CADM2: variants seen among roughly 807,000 people sequenced by gnomAD.
The protein encoded by CADM2 is immunoglobulin superfamily member 4D.
A neutral mutation model predicts 49.8 loss-of-function variants in CADM2; 12 were observed. That is an observed-to-expected ratio of 0.24 (90% CI 0.15 to 0.39). The LOEUF is 0.39. Among genes scored for constraint, CADM2 ranks in the 10% least tolerant of loss-of-function variants. CADM2 has a pLI of 1.00. For synonymous variants in CADM2, 214 were observed against 175.4 expected (o/e 1.22, Z -1.74); for missense variants, 378 against 492.3 (o/e 0.77, Z 2.20).
At chr3:85,209,368 T>C (rs1350834364) in intron 1 of CADM2, among the ~76,000 whole-genome samples, 1 of 152,072 alleles carries the variant, frequency 6.6e-6, no homozygotes, top group Non-Finnish European at 1.5e-5. Context: ...GTATTTTTTC[T>C]TTTTTACAGA....
intron 1 of CADM2, among the ~76,000 whole-genome samples, chr3:85,342,187 C>A (rs144210240): frequency 2.2e-4 from 33 of 151,996 alleles, no homozygotes; most frequent in African/African-American, 8.0e-4. Flanking sequence ...ACAACCCCAT[C>A]AAAAAATGGG....
chr3:85,695,581 CG>C (rs949258607), intron 1 of CADM2, among the ~76,000 whole-genome samples: 31 of 151,432 alleles, frequency 2.0e-4, no homozygotes, highest in African/African-American at 6.1e-4. Flanking sequence ...CATATATATA[CG>C]GGTACGTACA....
intron 1 of CADM2, among the ~76,000 whole-genome samples, chr3:85,710,187 A>G (rs2067074868): frequency 6.6e-6 from 1 of 152,136 alleles, no homozygotes. Context: ...TTCATAGCAT[A>G]ACAAGCTAAA....
intron 1 of CADM2, among the ~76,000 whole-genome samples, chr3:85,239,408 A>C (rs570939397): frequency 6.6e-6 from 1 of 151,768 alleles, no homozygotes; most frequent in African/African-American, 2.4e-5. Context: ...AAAGAGCTGT[A>C]ACATTGTAAA....
At chr3:85,824,989 CT>C (rs2073822375) in intron 3 of CADM2, among the ~76,000 whole-genome samples, 1 of 151,700 alleles carries the variant, frequency 6.6e-6, no homozygotes, top group Non-Finnish European at 1.5e-5. Context: ...GAATGAAGGA[CT>C]TCGGGTGGAG....
At chr3:85,872,430 A>G (rs2075965196) in intron 3 of CADM2, among the ~76,000 whole-genome samples, 2 of 151,438 alleles carry the variant, frequency 1.3e-5, no homozygotes, top group South Asian at 4.2e-4. Context: ...TTTGATGTAT[A>G]TTTTTTCCAA....
At chr3:85,541,775 T>TATATATATAGATATATATATA (rs1559897737) in intron 1 of CADM2, among the ~76,000 whole-genome samples, 1 of 88,320 alleles carries the variant, frequency 1.1e-5, no homozygotes, top group African/African-American at 3.3e-5. Flanking sequence ...ATTTTATATT[T>TATATATATAGATATATATATA]TATATATATA....
At chr3:85,610,905 A>G (rs537025197) in intron 1 of CADM2, among the ~76,000 whole-genome samples, 2 of 151,964 alleles carry the variant, frequency 1.3e-5, no homozygotes, top group Admixed American at 6.6e-5. Context: ...CATCCTCATA[A>G]GTGTTGAAAC....
chr3:85,053,197 G>T (rs1329049756), intron 1 of CADM2, among the ~76,000 whole-genome samples: 1 of 151,972 alleles, frequency 6.6e-6, no homozygotes, highest in Non-Finnish European at 1.5e-5. Flanking sequence ...GCAAAAGTTT[G>T]AAGTTACTAT....
intron 2 of CADM2, 38 bp from the exon 3 acceptor site, chr3:85,802,005 ATGAC>A: frequency 7.2e-7 from 1 of 1,396,396 alleles, no homozygotes; most frequent in Non-Finnish European, 9.5e-7. Context: ...TAATCATTTT[ATGAC>A]TTTCATTTAA....
chr3:85,168,320 G>T (rs2040526028), intron 1 of CADM2, among the ~76,000 whole-genome samples: 1 of 152,126 alleles, frequency 6.6e-6, no homozygotes, highest in African/African-American at 2.4e-5. Context: ...CTCCCAAAGT[G>T]CTGTGATTAC....
chr3:86,010,899 CT>C (rs1731425124), intron 8 of CADM2, among the ~76,000 whole-genome samples: 1 of 151,716 alleles, frequency 6.6e-6, no homozygotes, highest in Non-Finnish European at 1.5e-5. Flanking sequence ...CATTTTATAA[CT>C]CTAGGCATAG....
At chr3:85,446,074 C>G (rs1254796752) in intron 1 of CADM2, among the ~76,000 whole-genome samples, 2 of 152,018 alleles carry the variant, frequency 1.3e-5, no homozygotes, top group African/African-American at 2.4e-5. Context: ...CTTTTTCATT[C>G]TACCCTGTGG....
At chr3:85,019,481 T>G (rs1464293081) in intron 1 of CADM2, among the ~76,000 whole-genome samples, 1 of 152,080 alleles carries the variant, frequency 6.6e-6, no homozygotes, top group African/African-American at 2.4e-5. Flanking sequence ...AGATCCTGTA[T>G]GAAAAAACAA....
intron 1 of CADM2, among the ~76,000 whole-genome samples, chr3:85,433,276 GT>G (rs1031574292): frequency 6.6e-6 from 1 of 152,078 alleles, no homozygotes; most frequent in African/African-American, 2.4e-5. Context: ...TGCATAAATT[GT>G]TTTCCCAGAC....
intron 1 of CADM2, among the ~76,000 whole-genome samples, chr3:85,154,039 C>T (rs2040018975): frequency 1.3e-5 from 2 of 152,190 alleles, no homozygotes; most frequent in African/African-American, 4.8e-5. Flanking sequence ...CGCCTCTCCT[C>T]CTCCAAAGGA....
At chr3:85,805,841 C>A (rs1037668574) in intron 3 of CADM2, among the ~76,000 whole-genome samples, 1 of 152,100 alleles carries the variant, frequency 6.6e-6, no homozygotes, top group Non-Finnish European at 1.5e-5. Context: ...AATGGGTTGT[C>A]TGTGTCATTG....
At chr3:85,801,311 G>C (rs1055309740) in intron 2 of CADM2, among the ~76,000 whole-genome samples, 1 of 151,994 alleles carries the variant, frequency 6.6e-6, no homozygotes, top group African/African-American at 2.4e-5. Context: ...AAATTAACAA[G>C]GGTCATTTAA....
At chr3:85,741,439 G>C (rs1020249957) in intron 2 of CADM2, among the ~76,000 whole-genome samples, 5 of 152,120 alleles carry the variant, frequency 3.3e-5, no homozygotes, top group South Asian at 4.1e-4. Flanking sequence ...GAAGGCCGGG[G>C]CGGGGGGATC....
Sources: allele counts gnomAD v4.1 joint callset (sites outside exome capture counted in the v4.1 genomes callset), GRCh38; gene constraint gnomAD v4.1.1; transcripts MANE v1.5; gene names NCBI Gene and HGNC (gene_info 2026-07-23, HGNC 2026-07-21).